VWA8: variants seen among roughly 807,000 people sequenced by gnomAD.
VWA8 encodes the protein von Willebrand factor A domain containing 8, also known as von Willebrand factor A domain-containing protein 8.
A neutral mutation model predicts 241.5 loss-of-function variants in VWA8; 221 were observed. The ratio of observed to expected loss-of-function variants is 0.91; its 90% CI spans 0.82 to 1.02. VWA8 has a LOEUF of 1.02. Ranked by LOEUF, VWA8 falls within the 50% of genes least tolerant of loss-of-function variation. The probability of loss-of-function intolerance (pLI) is 0.00; values close to 1 mark genes in which losing one functional copy is unlikely to be tolerated. For synonymous variants in VWA8, 852 were observed against 827.1 expected (o/e 1.03, Z -0.52); for missense variants, 2,322 against 2,328.7 (o/e 1.00, Z 0.06).
intron 37 of VWA8, among the ~76,000 whole-genome samples, chr13:41,660,576 C>T (rs1457197384): frequency 6.6e-6 from 1 of 152,204 alleles, no homozygotes; most frequent in Non-Finnish European, 1.5e-5. Flanking sequence ...GAGTCCCATT[C>T]ATCCTGGGGA....
At chr13:41,945,467 G>A (rs1252461092) in intron 2 of VWA8, among the ~76,000 whole-genome samples, 1 of 152,096 alleles carries the variant, frequency 6.6e-6, no homozygotes, top group African/African-American at 2.4e-5. Flanking sequence ...ATTTGACTAA[G>A]TAGAAAAACA....
At chr13:41,950,367 CTT>C (rs34383299) in intron 1 of VWA8, among the ~76,000 whole-genome samples, 20 of 147,062 alleles carry the variant, frequency 1.4e-4, no homozygotes, top group South Asian at 2.2e-4. Flanking sequence ...AGAGTAAAAT[CTT>C]TTTTTTTTTT....
At position 41,654,781 on chromosome 13, in the gene VWA8, A is replaced by C. The variant is rs2044891844; in HGVS notation, c.4611+16165T>G. 3.3e-5 allele frequency among the ~76,000 whole-genome samples: 5 copies of C among 152,214 alleles called. No homozygotes were observed. In the South Asian group the frequency reaches 1.0e-3, roughly 32 times the overall value. On this transcript the variant is annotated intron_variant, in intron 37 of 44. Transcript: ENST00000379310. ...GCTGGATCTAAAAACAGAAAACATC[A>C]GATGAACCCAGACTGAGGGATGTTC...
At chr13:41,710,872 C>T (rs1299654897) in intron 26 of VWA8, among the ~76,000 whole-genome samples, 1 of 152,140 alleles carries the variant, frequency 6.6e-6, no homozygotes, top group Admixed American at 6.5e-5. Flanking sequence ...CTTTTTGATG[C>T]CTCTGATACT....
At chr13:41,867,230 CTA>C in intron 10 of VWA8, among the ~76,000 whole-genome samples, 1 of 152,258 alleles carries the variant, frequency 6.6e-6, no homozygotes, top group East Asian at 1.9e-4. Flanking sequence ...TTGAAAAATC[CTA>C]TATTATTCTT....
At chr13:41,795,153 C>A (rs1460447615) in intron 17 of VWA8, among the ~76,000 whole-genome samples, 3 of 151,950 alleles carry the variant, frequency 2.0e-5, no homozygotes, top group Non-Finnish European at 4.4e-5. Flanking sequence ...TGAACAGACA[C>A]TTTTCAAAAG....
intron 37 of VWA8, among the ~76,000 whole-genome samples, chr13:41,655,152 T>C (rs1301633973): frequency 6.6e-6 from 1 of 151,606 alleles, no homozygotes; most frequent in East Asian, 1.9e-4. Flanking sequence ...TGCAGCGGCA[T>C]GCTCTTGGCT....
intron 26 of VWA8, among the ~76,000 whole-genome samples, chr13:41,717,092 T>TAG (rs1186946510): frequency 6.6e-6 from 1 of 151,940 alleles, no homozygotes; most frequent in African/African-American, 2.4e-5. Context: ...GATGTTAGAA[T>TAG]AGAAAGGAAC....
chr13:41,599,552 C>G (rs1277512944), intron 40 of VWA8, among the ~76,000 whole-genome samples: 1 of 152,042 alleles, frequency 6.6e-6, no homozygotes, highest in Non-Finnish European at 1.5e-5. Flanking sequence ...TCCTTATTCT[C>G]GAATGATGAG....
chr13:41,907,348 G>A (rs968471457), intron 4 of VWA8, among the ~76,000 whole-genome samples: 23 of 152,172 alleles, frequency 1.5e-4, no homozygotes, highest in Non-Finnish European at 7.3e-5. Flanking sequence ...TATGAAATCA[G>A]CACATTGATC....
chr13:41,570,764 T>C (rs777409228), intron 43 of VWA8, 58 bp from the exon 44 acceptor site: 3 of 1,481,776 alleles, frequency 2.0e-6, no homozygotes, highest in African/African-American at 2.8e-5. Flanking sequence ...TTTTAACAAA[T>C]ACGATTATTT....
chr13:41,679,415 T>C (rs377367994), intron 35 of VWA8, among the ~76,000 whole-genome samples: 16 of 152,338 alleles, frequency 1.1e-4, no homozygotes, highest in South Asian at 8.3e-4. Flanking sequence ...ACTTCTGTGT[T>C]CACAGATAAA....
intron 17 of VWA8, among the ~76,000 whole-genome samples, chr13:41,809,409 T>G (rs947577280): frequency 6.6e-6 from 1 of 152,066 alleles, no homozygotes; most frequent in Non-Finnish European, 1.5e-5. Context: ...AACAGATACA[T>G]AGACCAATGG....
intron 12 of VWA8, among the ~76,000 whole-genome samples, chr13:41,851,754 A>C (rs1372029443): frequency 6.6e-6 from 1 of 152,138 alleles, no homozygotes; most frequent in African/African-American, 2.4e-5. Flanking sequence ...AAAATGGATT[A>C]ATACAGACGG....
intron 2 of VWA8, among the ~76,000 whole-genome samples, chr13:41,920,510 T>C (rs1038397912): frequency 1.3e-5 from 2 of 151,998 alleles, no homozygotes; most frequent in African/African-American, 4.8e-5. Flanking sequence ...GCTGGTTTTT[T>C]GAAAAGATCA....
intron 27 of VWA8, among the ~76,000 whole-genome samples, chr13:41,702,344 T>G (rs1382365389): frequency 1.3e-5 from 2 of 152,206 alleles, no homozygotes; most frequent in Non-Finnish European, 2.9e-5. Flanking sequence ...TCTCATACTC[T>G]CTTTAAAAAG....
chr13:41,568,246 G>A lies in VWA8; in HGVS notation c.5669C>T (p.Pro1890Leu), dbSNP rs1286652692. Residue 1890 changes from proline to leucine, a missense_variant, in exon 45 of 45, where the codon CCT becomes CTT. Pro to Leu is a moderately conservative substitution (Grantham distance 98). Transcript: ENST00000379310. ...SFVAMDTKDI[P>L]QILQQIFTST... ...GGTGAAGATCTGTTGTAAAATCTGA[G>A]GGATATCCTTGGTATCCATGGCAAC... The A allele has an allele frequency of 1.9e-6, 3 of 1,614,096 alleles. No homozygotes were observed. Among genetic ancestry groups the A allele is most frequent in the South Asian group, 1.1e-5 (1 of 91,074 alleles).
intron 9 of VWA8, among the ~76,000 whole-genome samples, chr13:41,875,397 C>T (rs1395052244): frequency 6.6e-6 from 1 of 152,058 alleles, no homozygotes; most frequent in Non-Finnish European, 1.5e-5. Context: ...AAATGTTTGT[C>T]TCCCCATTCC....
At chr13:41,937,062 T>C (rs9562363) in intron 2 of VWA8, among the ~76,000 whole-genome samples, 14,397 of 152,156 alleles carry the variant, frequency 0.095, 862 homozygotes, top group African/African-American at 0.17. Flanking sequence ...GTTACAACTG[T>C]CTACAGTATT....
Sources: allele counts gnomAD v4.1 joint callset (sites outside exome capture counted in the v4.1 genomes callset), GRCh38; gene constraint gnomAD v4.1.1; transcripts MANE v1.5; gene names NCBI Gene and HGNC (gene_info 2026-07-23, HGNC 2026-07-21).